The following CDH4 variants were observed in gnomAD, a reference collection of about 807,000 sequenced individuals.
CDH4 encodes the protein cadherin 4.
In CDH4, 33 loss-of-function variants were observed where a neutral mutation model predicts 86.0. The ratio of observed to expected loss-of-function variants is 0.38; its 90% CI spans 0.29 to 0.51. The LOEUF is 0.51. Ranked by LOEUF, CDH4 falls within the 20% of genes least tolerant of loss-of-function variation. The pLI is 0.86. For synonymous variants in CDH4, 555 were observed against 549.4 expected, an observed-to-expected ratio of 1.01 and a Z score of -0.14; for missense variants, 1,114 against 1,307.4, an observed-to-expected ratio of 0.85 and a Z score of 2.28.
In CDH4 at chr20:61,676,105, G is replaced by A. The variant is rs1460281280; in HGVS notation, c.170-67458G>A. On this transcript the variant is annotated intron_variant, in intron 2 of 15. Transcript: ENST00000614565. This position sits in a 1 kb window ranked among gnomAD's most constrained non-coding sequence, Gnocchi z 4.5. Reference sequence around the variant, plus strand: ...GAGCCTCAGCGAGGACCGAGTGTGGGGTCCAAGGTCTGAGACTTAATTCCA... The same window carrying A: ...GAGCCTCAGCGAGGACCGAGTGTGGAGTCCAAGGTCTGAGACTTAATTCCA... Among the ~76,000 whole-genome samples the A allele has an allele frequency of 1.3e-5, 2 of 152,194 alleles. No individual in the cohort carries two copies. Among genetic ancestry groups the A allele is most frequent in the Non-Finnish European group, 2.9e-5 (2 of 68,028 alleles).
At chr20:61,908,442 C>T (rs1240176371) in intron 8 of CDH4, among the ~76,000 whole-genome samples, 1 of 152,162 alleles carries the variant, frequency 6.6e-6, no homozygotes, top group Admixed American at 6.5e-5. Flanking sequence ...GACAGATGCA[C>T]GGAAGGGGCG....
chr20:61,314,973 A>G (rs1437586645), intron 2 of CDH4, among the ~76,000 whole-genome samples: 1 of 152,028 alleles, frequency 6.6e-6, no homozygotes, highest in East Asian at 1.9e-4. Context: ...TTTTTATTAC[A>G]TTGTTTTCTT....
At chr20:61,294,269 G>C (rs2084339918) in intron 2 of CDH4, among the ~76,000 whole-genome samples, 1 of 152,220 alleles carries the variant, frequency 6.6e-6, no homozygotes, top group African/African-American at 2.4e-5. Context: ...CGGGGCCAGG[G>C]CTGCTGACCT....
intron 2 of CDH4, among the ~76,000 whole-genome samples, chr20:61,422,154 C>T (rs6089544): frequency 0.043 from 6,497 of 152,180 alleles, 169 homozygotes; most frequent in African/African-American, 0.056. Context: ...TCACTGGGCA[C>T]GGTGGCTCAC....
At chr20:61,433,266 T>C (rs142212157) in intron 2 of CDH4, among the ~76,000 whole-genome samples, 1 of 152,286 alleles carries the variant, frequency 6.6e-6, no homozygotes, top group Non-Finnish European at 1.5e-5. Context: ...TTCCTTTCCC[T>C]GTGAAATTAC....
At position 61,518,231 on chromosome 20, in the gene CDH4, G is replaced by A. The variant is rs567809916; in HGVS notation, c.170-225332G>A. ...ACCAGTTCCTAGGACGAGGAAGCCC[G>A]TGCCTCTCCACAGGCTGACTGCATG... On this transcript the variant is annotated intron_variant, in intron 2 of 15. Coordinates refer to ENST00000614565, the MANE Select transcript of CDH4 (RefSeq NM_001794.5). The surrounding 1 kb of genome is among the most constrained non-coding windows in gnomAD (Gnocchi z 6.3). 4.6e-5 allele frequency among the ~76,000 whole-genome samples: 7 copies of A among 152,124 alleles called. No homozygotes were observed. Among genetic ancestry groups the A allele is most frequent in the East Asian group, 1.9e-4 (1 of 5,190 alleles).
At chr20:61,360,204 G>A (rs1404010175) in intron 2 of CDH4, among the ~76,000 whole-genome samples, 1 of 152,242 alleles carries the variant, frequency 6.6e-6, no homozygotes, top group Non-Finnish European at 1.5e-5. Flanking sequence ...TCCTGGGTGT[G>A]CAGATCTGTG....
chr20:61,835,906 G>C (rs1006496443), intron 4 of CDH4, among the ~76,000 whole-genome samples: 2 of 152,306 alleles, frequency 1.3e-5, no homozygotes, highest in Non-Finnish European at 2.9e-5. Context: ...TCAGGCAAAG[G>C]CTTCAGCTTG....
intron 4 of CDH4, among the ~76,000 whole-genome samples, chr20:61,815,150 G>A (rs886374686): frequency 2.6e-5 from 4 of 152,212 alleles, no homozygotes; most frequent in African/African-American, 9.6e-5. Flanking sequence ...TGGATTGCAA[G>A]AGATAGGACT....
chr20:61,933,387 C>T (rs955003853), intron 14 of CDH4, among the ~76,000 whole-genome samples: 1 of 152,200 alleles, frequency 6.6e-6, no homozygotes, highest in Non-Finnish European at 1.5e-5. Flanking sequence ...CTGCCCTGTG[C>T]CCTGGAGGGG....
chr20:61,657,371 C>T (rs1023396694), intron 2 of CDH4, among the ~76,000 whole-genome samples: 13 of 152,228 alleles, frequency 8.5e-5, no homozygotes, highest in South Asian at 6.2e-4. Flanking sequence ...GTACACACTT[C>T]GCAGATGTAT....
At chr20:61,482,835 C>T (rs2085575564) in intron 2 of CDH4, among the ~76,000 whole-genome samples, 1 of 152,218 alleles carries the variant, frequency 6.6e-6, no homozygotes, top group Admixed American at 6.5e-5. Flanking sequence ...AGGCCTGGTC[C>T]TCCACTGTAT....
intron 2 of CDH4, among the ~76,000 whole-genome samples, chr20:61,288,329 G>A (rs1003649997): frequency 3.3e-5 from 5 of 152,206 alleles, no homozygotes; most frequent in African/African-American, 1.2e-4. Context: ...AAAACATCAT[G>A]TTGTTCGCTC....
At chr20:61,647,117 C>T (rs989768044) in intron 2 of CDH4, among the ~76,000 whole-genome samples, 19 of 152,192 alleles carry the variant, frequency 1.2e-4, no homozygotes, top group Non-Finnish European at 1.9e-4. Flanking sequence ...TCCATCCACA[C>T]GAATGTTTAG....
At chr20:61,363,460 C>A (rs1212433856) in intron 2 of CDH4, among the ~76,000 whole-genome samples, 1 of 150,640 alleles carries the variant, frequency 6.6e-6, no homozygotes, top group Non-Finnish European at 1.5e-5. Context: ...CACACACACA[C>A]CTATGACAAA....
chr20:61,434,208 A>C (rs1006447882), intron 2 of CDH4, among the ~76,000 whole-genome samples: 3 of 152,112 alleles, frequency 2.0e-5, no homozygotes, highest in Admixed American at 6.5e-5. Flanking sequence ...GGCCCAGTGG[A>C]GGGGCTGGCC....
At chr20:61,859,256 T>A (rs1203306898) in intron 6 of CDH4, among the ~76,000 whole-genome samples, 1 of 152,242 alleles carries the variant, frequency 6.6e-6, no homozygotes, top group African/African-American at 2.4e-5. Context: ...CGTTATTCTT[T>A]TACTGTTGAG....
At chr20:61,916,529 TATC>T (rs1279960214) in intron 9 of CDH4, among the ~76,000 whole-genome samples, 1 of 152,238 alleles carries the variant, frequency 6.6e-6, no homozygotes, top group Admixed American at 6.5e-5. Flanking sequence ...CCATTCTCGT[TATC>T]ATCATCATCA....
At chr20:61,686,779 G>A (rs1348848288) in intron 2 of CDH4, among the ~76,000 whole-genome samples, 1 of 152,226 alleles carries the variant, frequency 6.6e-6, no homozygotes, top group Non-Finnish European at 1.5e-5. Flanking sequence ...TCGCGCGTGT[G>A]TGTGTGCATG....
Sources: gnomAD v4.1 joint callset for allele counts (sites outside exome capture counted in the v4.1 genomes callset) on GRCh38, gnomAD v4.1.1 for gene constraint, Gnocchi (gnomAD v3.1) non-coding constraint, MANE v1.5 for transcripts, NCBI Gene and HGNC (gene_info 2026-07-23, HGNC 2026-07-21) for gene names.